Variants in SLC18A1 observed in about 807,000 individuals in gnomAD.
SLC18A1 encodes solute carrier family 18 member A1.
In SLC18A1, 69 loss-of-function variants were observed where a neutral mutation model predicts 53.7. The ratio of observed to expected loss-of-function variants is 1.28; its 90% CI spans 1.06 to 1.57. The LOEUF is 1.57. SLC18A1 is among the 40% of genes most tolerant of loss of function. The pLI is 0.00. For missense variants in SLC18A1, 932 were observed against 668.1 expected (o/e 1.40, Z -4.35); for synonymous variants, 320 against 248.1 (o/e 1.29, Z -2.72).
intron 7 of SLC18A1, 25 bp from the exon 8 acceptor site, chr8:20,171,171 G>C: frequency 1.2e-6 from 2 of 1,613,758 alleles, no homozygotes; most frequent in Non-Finnish European, 1.7e-6. Context: ...AGGTGAGACA[G>C]TTCAGCGTGT....
chr8:20,148,270 G>T, intron 12 of SLC18A1, 200 bp from the exon 13 acceptor site: 1 of 619,544 alleles, frequency 1.6e-6, no homozygotes. Context: ...CAGCGCTGTT[G>T]TGTTTATTTA....
intron 8 of SLC18A1, among the ~76,000 whole-genome samples, chr8:20,167,806 A>G (rs2072007348): frequency 6.6e-6 from 1 of 151,380 alleles, no homozygotes; most frequent in Non-Finnish European, 1.5e-5. Context: ...TATTTTTAGT[A>G]GAGACGGGAT....
chr8:20,146,947 G>T (rs1397591178), intron 15 of SLC18A1, among the ~76,000 whole-genome samples: 5 of 152,054 alleles, frequency 3.3e-5, no homozygotes, highest in Admixed American at 3.3e-4. Context: ...CTCACATCTT[G>T]CTAGTAACTA....
In SLC18A1 at chr8:20,150,690, C is replaced by A. The variant is rs1004386278; in HGVS notation, c.1070G>T (p.Gly357Val). 1.9e-6 allele frequency: 3 copies of A among 1,614,034 alleles called. No individual in the cohort carries two copies. The highest frequency in any genetic ancestry group is 2.5e-6 in the Non-Finnish European group (3 of 1,180,030). Residue 357 changes from glycine to valine, a missense_variant, in exon 11 of 16, where the codon GGT (glycine) becomes GTT (valine). Gly to Val is a moderately radical substitution (Grantham distance 109). Transcript: ENST00000276373. ...CCGACCCATCTTGTTGGCCAACACACCAAAGAGGTTGGTGCCAATGAGGTA... is the reference window on the plus strand; with the variant it reads ...CCGACCCATCTTGTTGGCCAACACAACAAAGAGGTTGGTGCCAATGAGGTA... ...VSYLIGTNLF[G>V]VLANKMGRWL...
chr8:20,148,932 GA>G (rs2071475194), intron 12 of SLC18A1, among the ~76,000 whole-genome samples: 2 of 152,240 alleles, frequency 1.3e-5, no homozygotes, highest in African/African-American at 4.8e-5. Flanking sequence ...TCTCTACATA[GA>G]TGAGGATGCT....
intron 12 of SLC18A1, 56 bp downstream of exon 12, chr8:20,149,620 C>A: frequency 7.3e-7 from 1 of 1,378,286 alleles, no homozygotes; most frequent in Non-Finnish European, 1.0e-6. Flanking sequence ...CTCTCTCTGT[C>A]TGTCTGTCTC....
intron 10 of SLC18A1, among the ~76,000 whole-genome samples, chr8:20,153,633 C>G (rs182609635): frequency 2.7e-5 from 4 of 150,942 alleles, no homozygotes; most frequent in African/African-American, 7.3e-5. Flanking sequence ...AGCCACTGCA[C>G]TCCAGCCTGG....
At chr8:20,167,314 G>A (rs2071993450) in intron 8 of SLC18A1, among the ~76,000 whole-genome samples, 1 of 152,094 alleles carries the variant, frequency 6.6e-6, no homozygotes, top group African/African-American at 2.4e-5. Flanking sequence ...TTTCTTGGTA[G>A]CTTTGTTTTT....
intron 8 of SLC18A1, among the ~76,000 whole-genome samples, chr8:20,169,677 G>T (rs576819623): frequency 6.6e-6 from 1 of 152,122 alleles, no homozygotes; most frequent in South Asian, 2.1e-4. Flanking sequence ...TCAGGAGTTC[G>T]AGACCAGCCT....
chr8:20,147,878 C>G, intron 13 of SLC18A1, 129 bp downstream of exon 13: 1 of 1,433,902 alleles, frequency 7.0e-7, no homozygotes, highest in African/African-American at 1.4e-5. Context: ...TCTCCACAAC[C>G]CTGCCAGCTG....
At chr8:20,152,762 C>T (rs2071589966) in intron 10 of SLC18A1, among the ~76,000 whole-genome samples, 1 of 152,108 alleles carries the variant, frequency 6.6e-6, no homozygotes, top group Admixed American at 6.5e-5. Flanking sequence ...GGACTCCTAT[C>T]TTTAGACATT....
At chr8:20,167,523 T>TTG (rs915650220) in intron 8 of SLC18A1, among the ~76,000 whole-genome samples, 1 of 152,010 alleles carries the variant, frequency 6.6e-6, no homozygotes, top group East Asian at 1.9e-4. Flanking sequence ...CAGTACAAAC[T>TTG]TGTGTGTGTG....
At chr8:20,170,221 G>A (rs553019784) in intron 8 of SLC18A1, among the ~76,000 whole-genome samples, 1 of 149,640 alleles carries the variant, frequency 6.7e-6, no homozygotes, top group South Asian at 2.1e-4. Context: ...TGCTCTGGGG[G>A]AATTGGCACT....
intron 4 of SLC18A1, among the ~76,000 whole-genome samples, chr8:20,175,138 C>A (rs1468329030): frequency 6.6e-6 from 1 of 152,174 alleles, no homozygotes; most frequent in Non-Finnish European, 1.5e-5. Context: ...AGGAATATGT[C>A]ATCCAAAACA....
chr8:20,178,158 G>A (rs750578688), intron 4 of SLC18A1, among the ~76,000 whole-genome samples: 32 of 112,868 alleles, frequency 2.8e-4, no homozygotes, highest in Non-Finnish European at 5.7e-4. Context: ...ACACCCCGTA[G>A]CATACATATT....
intron 3 of SLC18A1, 53 bp downstream of exon 3, chr8:20,179,068 T>C (rs1189594262): frequency 5.2e-6 from 8 of 1,537,380 alleles, no homozygotes; most frequent in African/African-American, 1.4e-5. Context: ...TCTATACTTT[T>C]CTAGTCCTCC....
rs1036312587 is a variant in SLC18A1, at chr8:20,181,611, T to C, written c.-123-524A>G. The C allele has an allele frequency of 3.0e-4, 45 of 152,236 alleles. 1 individual carries two copies. The highest frequency in any genetic ancestry group is 1.0e-3 in the African/African-American group (43 of 41,552). The allele number at this position is 152,236 out of a possible 1,614,324, so 9.4% of individuals were successfully genotyped here. A position where few individuals can be genotyped will look rare whatever the true frequency, so the allele number is the denominator to read the frequency against. On this transcript the variant is annotated intron_variant, in intron 1 of 15. Transcript: ENST00000276373. ...AAAATTTTTAAAACCAACATAGATA[T>C]TGATATCATGTTTCAAAAAGTTATT...
At chr8:20,162,311 T>G (rs1006874695) in intron 10 of SLC18A1, among the ~76,000 whole-genome samples, 5 of 152,200 alleles carry the variant, frequency 3.3e-5, no homozygotes, top group Admixed American at 6.5e-5. Flanking sequence ...TAATAAGTGG[T>G]GCCTGGCTCA....
chr8:20,173,576 C>G lies in SLC18A1; in HGVS notation c.632-448G>C, dbSNP rs2072181154. Reference sequence around the variant, plus strand: ...AGTGTGGGCTAGTGCTGTACGGCAGCTGGACCCTCTGGCCTTCATAGCTAT... The same window carrying G: ...AGTGTGGGCTAGTGCTGTACGGCAGGTGGACCCTCTGGCCTTCATAGCTAT... On this transcript the variant is annotated intron_variant, in intron 5 of 15. Transcript: ENST00000276373. Among the ~76,000 whole-genome samples the G allele has an allele frequency of 2.0e-5, 3 of 152,182 alleles. No individual in the cohort carries two copies. In the South Asian group the frequency reaches 6.2e-4, roughly 32 times the overall value.
Sources: gnomAD v4.1 joint callset for allele counts (sites outside exome capture counted in the v4.1 genomes callset) on GRCh38, gnomAD v4.1.1 for gene constraint, MANE v1.5 for transcripts, NCBI Gene and HGNC (gene_info 2026-07-23, HGNC 2026-07-21) for gene names.